Variants in APBA1 observed in about 807,000 individuals in gnomAD.
The protein encoded by APBA1 is amyloid-beta A4 precursor protein-binding family A member 1.
A neutral mutation model predicts 86.6 loss-of-function variants in APBA1; 55 were observed. The ratio of observed to expected loss-of-function variants is 0.64; its 90% CI spans 0.51 to 0.80. The LOEUF is 0.80. APBA1 is among the 30% of genes least tolerant of loss of function. APBA1 has a pLI of 0.00. For missense variants in APBA1, 1,090 were observed against 1,183.0 expected (o/e 0.92, Z 1.15); for synonymous variants, 511 against 493.9 (o/e 1.03, Z -0.46).
chr9:69,431,846 ATGACAGCAGTGTTGAC>A (rs1179584618), intron 12 of APBA1, among the ~76,000 whole-genome samples: 3 of 152,168 alleles, frequency 2.0e-5, no homozygotes, highest in South Asian at 2.1e-4. Flanking sequence ...ACAGCAATGA[ATGACAGCAGTGTTGAC>A]TGACAGCAGT....
chr9:69,598,412 A>C (rs1822277504), intron 1 of APBA1, among the ~76,000 whole-genome samples: 2 of 151,970 alleles, frequency 1.3e-5, no homozygotes, highest in Non-Finnish European at 2.9e-5. Flanking sequence ...GTGCACATGT[A>C]CCCTAAAACT....
At chr9:69,441,216 TC>T in intron 10 of APBA1, 101 bp from the exon 11 acceptor site, 1 of 1,416,726 alleles carries the variant, frequency 7.1e-7, no homozygotes, top group Non-Finnish European at 9.5e-7. Context: ...CACTGAGTCT[TC>T]CGAAGGACCC....
chr9:69,443,773 TC>T (rs1239397640), intron 10 of APBA1, among the ~76,000 whole-genome samples: 1 of 152,168 alleles, frequency 6.6e-6, no homozygotes, highest in Non-Finnish European at 1.5e-5. Flanking sequence ...CCTATGTCTG[TC>T]CGCATTCAAA....
intron 3 of APBA1, among the ~76,000 whole-genome samples, chr9:69,473,438 G>A (rs551702262): frequency 6.6e-6 from 1 of 152,322 alleles, no homozygotes; most frequent in South Asian, 2.1e-4. Context: ...GGTAATGAGA[G>A]TTTGTTTAAT....
At chr9:69,668,056 C>T (rs1823875929) in intron 1 of APBA1, among the ~76,000 whole-genome samples, 1 of 152,134 alleles carries the variant, frequency 6.6e-6, no homozygotes, top group South Asian at 2.1e-4. Context: ...TTCCTGTCCT[C>T]TTCTTTCTCT....
At chr9:69,569,471 GT>G (rs1250573662) in intron 1 of APBA1, among the ~76,000 whole-genome samples, 2 of 151,788 alleles carry the variant, frequency 1.3e-5, no homozygotes, top group East Asian at 3.9e-4. Context: ...GTGTGTGTGT[GT>G]GTGTGTGTGT....
At chr9:69,559,051 T>C (rs887262294) in intron 1 of APBA1, among the ~76,000 whole-genome samples, 3 of 152,206 alleles carry the variant, frequency 2.0e-5, no homozygotes, top group Non-Finnish European at 2.9e-5. Context: ...AATTAGTCAA[T>C]ATTTGTTTAA....
intron 2 of APBA1, among the ~76,000 whole-genome samples, chr9:69,503,814 A>C (rs1588325403): frequency 6.6e-6 from 1 of 152,012 alleles, no homozygotes; most frequent in Admixed American, 6.5e-5. Flanking sequence ...TGGTGGTTGG[A>C]CTTCTGCATG....
chr9:69,613,243 T>A (rs1317548642), intron 1 of APBA1, among the ~76,000 whole-genome samples: 1 of 152,200 alleles, frequency 6.6e-6, no homozygotes, highest in East Asian at 1.9e-4. Flanking sequence ...AGTACTGATC[T>A]GCTCTTAGTA....
chr9:69,489,925 C>T (rs1373617547), intron 2 of APBA1, among the ~76,000 whole-genome samples: 2 of 152,148 alleles, frequency 1.3e-5, no homozygotes, highest in Non-Finnish European at 2.9e-5. Context: ...GGCGATTCCT[C>T]AGGGATCTAG....
At chr9:69,620,755 G>A (rs1300909885) in intron 1 of APBA1, among the ~76,000 whole-genome samples, 2 of 152,190 alleles carry the variant, frequency 1.3e-5, no homozygotes, top group African/African-American at 4.8e-5. Flanking sequence ...CAAGGGGTCC[G>A]AAAGTGGCTG....
intron 1 of APBA1, among the ~76,000 whole-genome samples, chr9:69,644,044 T>A (rs1443198383): frequency 6.6e-6 from 1 of 152,228 alleles, no homozygotes; most frequent in Admixed American, 6.5e-5. Context: ...CAGGCCTTCC[T>A]TGACCACTAC....
intron 1 of APBA1, among the ~76,000 whole-genome samples, chr9:69,554,936 G>A (rs566183975): frequency 3.3e-5 from 5 of 152,210 alleles, no homozygotes; most frequent in South Asian, 2.1e-4. Context: ...AGCATTCATC[G>A]CAGACATAAC....
At chr9:69,521,962 AGG>A (rs1836259623) in intron 1 of APBA1, among the ~76,000 whole-genome samples, 1 of 151,876 alleles carries the variant, frequency 6.6e-6, no homozygotes, top group Admixed American at 6.6e-5. Context: ...GAGTTTAAGC[AGG>A]GGATTGATAA....
At chr9:69,628,356 G>A (rs1383230246) in intron 1 of APBA1, among the ~76,000 whole-genome samples, 1 of 152,140 alleles carries the variant, frequency 6.6e-6, no homozygotes, top group Non-Finnish European at 1.5e-5. Flanking sequence ...TAAAGAATGT[G>A]TATTGTTTTA....
chr9:69,473,236 A>G (rs1835392023), intron 3 of APBA1, among the ~76,000 whole-genome samples: 2 of 152,216 alleles, frequency 1.3e-5, no homozygotes, highest in African/African-American at 4.8e-5. Flanking sequence ...CACTTACCTA[A>G]GTGAGAAGAT....
intron 2 of APBA1, among the ~76,000 whole-genome samples, chr9:69,481,808 A>G (rs1347508896): frequency 6.6e-6 from 1 of 151,910 alleles, no homozygotes; most frequent in East Asian, 1.9e-4. Flanking sequence ...GCCCTCAGAA[A>G]TAACGCCGCA....
intron 2 of APBA1, among the ~76,000 whole-genome samples, chr9:69,506,211 G>A (rs1315876878): frequency 7.9e-5 from 12 of 151,782 alleles, no homozygotes; most frequent in African/African-American, 2.9e-4. Context: ...GTGGGTGCGC[G>A]CACCGTGCGC....
chr9:69,492,890 G>A (rs1375764815), intron 2 of APBA1, among the ~76,000 whole-genome samples: 1 of 152,076 alleles, frequency 6.6e-6, no homozygotes. Flanking sequence ...TCATGGTAAT[G>A]AAGGGCAGGA....
Sources: gnomAD v4.1 joint callset for allele counts (sites outside exome capture counted in the v4.1 genomes callset) on GRCh38, gnomAD v4.1.1 for gene constraint, MANE v1.5 for transcripts, NCBI Gene and HGNC (gene_info 2026-07-23, HGNC 2026-07-21) for gene names.